PSD3: variants seen among roughly 807,000 people sequenced by gnomAD.
The protein encoded by PSD3 is PH and SEC7 domain-containing protein 3.
In PSD3, 49 loss-of-function variants were observed where a neutral mutation model predicts 105.5. The ratio of observed to expected loss-of-function variants is 0.46; its 90% CI spans 0.37 to 0.59. The LOEUF is 0.59. Ranked by LOEUF, PSD3 falls within the 20% of genes least tolerant of loss-of-function variation. The pLI, the probability that PSD3 is intolerant of heterozygous loss-of-function variation, is 0.00. For synonymous variants in PSD3, 557 were observed against 457.8 expected (o/e 1.22, Z -2.77); for missense variants, 1,561 against 1,263.8 (o/e 1.24, Z -3.57).
At chr8:18,669,176 T>C (rs1358382381) in intron 9 of PSD3, among the ~76,000 whole-genome samples, 1 of 152,208 alleles carries the variant, frequency 6.6e-6, no homozygotes, top group Non-Finnish European at 1.5e-5. Flanking sequence ...TTATAACACA[T>C]GCTGATATAT....
chr8:18,612,203 C>T lies in PSD3; in HGVS notation c.2411-11769G>A, dbSNP rs1277526623. Among the ~76,000 whole-genome samples, 92 of 152,296 alleles carry T rather than the reference C, an allele frequency of 6.0e-4. 1 individual carries two copies. Among genetic ancestry groups the T allele is most frequent in the Non-Finnish European group, 1.8e-4 (12 of 68,022 alleles). On this transcript the variant is annotated intron_variant, in intron 11 of 15. Transcript: ENST00000327040. ...TAAGCAAGACCTTAAGTTTTTACTT[C>T]AGAGCACTGGCCTCATTTCTCTGGA...
At chr8:18,712,129 TAA>T (rs934780067) in intron 9 of PSD3, among the ~76,000 whole-genome samples, 17 of 152,200 alleles carry the variant, frequency 1.1e-4, no homozygotes, top group African/African-American at 4.1e-4. Flanking sequence ...AAAGCAATGT[TAA>T]GAGGGACATT....
chr8:18,649,318 T>A (rs962496095), intron 10 of PSD3, among the ~76,000 whole-genome samples: 3 of 152,176 alleles, frequency 2.0e-5, no homozygotes, highest in African/African-American at 7.2e-5. Flanking sequence ...GCCCTGAATA[T>A]AAGAAATGGA....
intron 6 of PSD3, chr8:18,803,287 CAAAAAA>C (rs34996165): frequency 2.0e-5 from 1 of 50,724 alleles, no homozygotes; most frequent in Non-Finnish European, 3.2e-5. Context: ...ACTCTGTCTC[CAAAAAA>C]AAAAAAAAAA....
At chr8:18,598,804 A>C (rs1385274193) in intron 12 of PSD3, among the ~76,000 whole-genome samples, 1 of 152,186 alleles carries the variant, frequency 6.6e-6, no homozygotes, top group African/African-American at 2.4e-5. Flanking sequence ...ATCAAAAACT[A>C]TTAAAAAATA....
chr8:18,876,267 T>C (rs930538943), intron 2 of PSD3, among the ~76,000 whole-genome samples: 1 of 152,204 alleles, frequency 6.6e-6, no homozygotes, highest in African/African-American at 2.4e-5. Flanking sequence ...TGTTTCATCA[T>C]ACGGGAGCAG....
intron 11 of PSD3, among the ~76,000 whole-genome samples, chr8:18,627,685 T>C (rs1806591013): frequency 6.6e-6 from 1 of 151,950 alleles, no homozygotes; most frequent in South Asian, 2.1e-4. Flanking sequence ...TGCAAGTTAC[T>C]TACCCGCACA....
chr8:18,989,506 T>C lies in PSD3; in HGVS notation c.21+24057A>G, dbSNP rs527404962. The C allele has an allele frequency of 6.6e-5, 10 of 152,302 alleles. No individual in the cohort carries two copies. The East Asian group carries it at 1.9e-3, about 29-fold the overall frequency. 9.4% of individuals were successfully genotyped at this position (152,302 alleles called of 1,614,324 possible). A position where few individuals can be genotyped will look rare whatever the true frequency, so the allele number is the denominator to read the frequency against. ...ATTTTAGTCAGGAAACAAAAATTAC[T>C]CAAAATAGCAAGTATAGGTTAGATG... On this transcript the variant is annotated intron_variant, in intron 1 of 15. Transcript: ENST00000327040.
intron 1 of PSD3, among the ~76,000 whole-genome samples, chr8:18,944,874 T>C (rs1488796589): frequency 2.6e-5 from 4 of 152,202 alleles, no homozygotes; most frequent in Non-Finnish European, 5.9e-5. Context: ...AGCATTTATT[T>C]ACTTTCTCAC....
intron 9 of PSD3, among the ~76,000 whole-genome samples, chr8:18,712,278 G>A (rs1377548476): frequency 4.0e-5 from 6 of 150,626 alleles, no homozygotes; most frequent in Admixed American, 6.6e-5. Context: ...TAAAATCAGC[G>A]CAGAACTGAA....
intron 9 of PSD3, among the ~76,000 whole-genome samples, chr8:18,719,316 A>G (rs1426667597): frequency 6.6e-6 from 1 of 152,214 alleles, no homozygotes; most frequent in East Asian, 1.9e-4. Flanking sequence ...TAAAAATCTG[A>G]AACTGAGTTT....
chr8:19,040,436 G>A (rs1047391098), intron 1 of PSD3, among the ~76,000 whole-genome samples: 2 of 152,080 alleles, frequency 1.3e-5, no homozygotes, highest in Non-Finnish European at 2.9e-5. Context: ...GAACTCCTGC[G>A]CTCAAGTGAT....
At chr8:18,558,596 G>C (rs1430395299) in intron 14 of PSD3, among the ~76,000 whole-genome samples, 1 of 152,176 alleles carries the variant, frequency 6.6e-6, no homozygotes, top group East Asian at 1.9e-4. Flanking sequence ...GCTGAGGCAG[G>C]TGGATCACAA....
chr8:19,081,808 C>G (rs750878934), intron 1 of PSD3, among the ~76,000 whole-genome samples: 14 of 152,120 alleles, frequency 9.2e-5, no homozygotes, highest in Non-Finnish European at 2.1e-4. Context: ...AAAGTTTACT[C>G]TTCAGATCCA....
intron 4 of PSD3, among the ~76,000 whole-genome samples, chr8:18,822,102 T>G (rs1812791824): frequency 6.6e-6 from 1 of 152,152 alleles, no homozygotes; most frequent in Non-Finnish European, 1.5e-5. Context: ...TTTGTTTACT[T>G]CCTATTTACT....
At chr8:18,914,599 AT>A (rs1266900575) in intron 2 of PSD3, among the ~76,000 whole-genome samples, 1 of 152,222 alleles carries the variant, frequency 6.6e-6, no homozygotes, top group African/African-American at 2.4e-5. Context: ...ATATCAAAAA[AT>A]AATCTCATTT....
intron 2 of PSD3, among the ~76,000 whole-genome samples, chr8:18,912,543 G>A (rs913693049): frequency 1.4e-4 from 22 of 152,144 alleles, no homozygotes; most frequent in Admixed American, 1.2e-3. Flanking sequence ...TTAATTAGGT[G>A]AAAATCTAAA....
intron 11 of PSD3, among the ~76,000 whole-genome samples, chr8:18,612,592 G>C (rs1053113721): frequency 6.6e-6 from 1 of 152,048 alleles, no homozygotes; most frequent in African/African-American, 2.4e-5. Context: ...GGATGGTCTT[G>C]ATCTCCTGAC....
intron 9 of PSD3, chr8:18,720,849 A>G (rs1435522879): frequency 6.6e-6 from 1 of 152,170 alleles, no homozygotes; most frequent in Non-Finnish European, 1.5e-5. Flanking sequence ...GCAGTGATTT[A>G]TTATTTGTAG....
Sources: allele counts gnomAD v4.1 joint callset (sites outside exome capture counted in the v4.1 genomes callset), GRCh38; gene constraint gnomAD v4.1.1; transcripts MANE v1.5; gene names NCBI Gene and HGNC (gene_info 2026-07-23, HGNC 2026-07-21).